JAZF1: variants seen among roughly 807,000 people sequenced by gnomAD.
JAZF1 encodes JAZF zinc finger 1, also known as juxtaposed with another zinc finger protein 1.
In JAZF1, 8 loss-of-function variants were observed where a neutral mutation model predicts 26.4. The ratio of observed to expected loss-of-function variants is 0.30; its 90% CI spans 0.18 to 0.55. The LOEUF (loss-of-function observed/expected upper bound fraction) is 0.55. Among genes scored for constraint, JAZF1 ranks in the 20% least tolerant of loss-of-function variants. JAZF1 has a pLI of 0.94. For missense variants in JAZF1, 199 were observed against 322.0 expected (o/e 0.62, Z 2.92); for synonymous variants, 126 against 122.3 (o/e 1.03, Z -0.20).
rs77945099 is a variant in JAZF1, at chr7:27,850,314, G to A, written c.386-9447C>T. Among the ~76,000 whole-genome samples, 749 of 152,262 alleles carry A rather than the reference G, an allele frequency of 4.9e-3. 1 individual carries two copies. The highest frequency in any genetic ancestry group is 7.6e-3 in the Non-Finnish European group (519 of 68,020). On this transcript the variant is annotated intron_variant, in intron 3 of 4. Coordinates refer to ENST00000283928, the MANE Select transcript of JAZF1 (RefSeq NM_175061.4). ...GACACATTAATGGCTCTGGGACCAC[G>A]GGCCATGCCTGGAAAATTCTTGACC... is the stretch of plus-strand genomic sequence containing the variant.
chr7:27,994,441 C>T (rs868545819), intron 1 of JAZF1, among the ~76,000 whole-genome samples: 1 of 74,334 alleles, frequency 1.3e-5, no homozygotes, highest in Non-Finnish European at 3.6e-5. Flanking sequence ...CTCTCCATCA[C>T]AAAAAAAAAA....
rs775507489 is a variant in JAZF1, at chr7:27,991,957, T to G, written c.140A>C (p.Lys47Thr). 6.2e-7 allele frequency: 1 copy of G among 1,606,812 alleles called. No individual in the cohort carries two copies. The highest frequency in any genetic ancestry group is 8.5e-7 in the Non-Finnish European group (1 of 1,174,362). Residue 47 changes from lysine to threonine, a missense_variant, in exon 2 of 5, where the codon AAA (lysine) becomes ACA (threonine). By Grantham distance (78) the Lys-to-Thr change is moderately conservative. This residue lies in a region of JAZF1 where 137 missense variants were observed against 184.8 expected (regional missense o/e 0.74). Transcript: ENST00000283928. ...HIDTDPRVLE[K>T]QELQQPTYVA... The stretch of plus-strand genomic sequence containing the variant: ...ATAGGTTGGCTGCTGTAATTCTTGT[T>G]TTTCTAAAACCCGTGGATCTGTATC...
At chr7:27,967,137 A>G (rs937319599) in intron 2 of JAZF1, among the ~76,000 whole-genome samples, 1 of 152,186 alleles carries the variant, frequency 6.6e-6, no homozygotes, top group Non-Finnish European at 1.5e-5. Context: ...TTTTTTAAAA[A>G]TAAAGCTGTC....
intron 1 of JAZF1, among the ~76,000 whole-genome samples, chr7:28,125,966 C>T (rs578089746): frequency 1.4e-4 from 22 of 152,218 alleles, no homozygotes; most frequent in African/African-American, 5.1e-4. Context: ...TGGAACAAGA[C>T]CTTTGGGTGA....
chr7:28,065,942 A>T (rs1457285359), intron 1 of JAZF1, among the ~76,000 whole-genome samples: 1 of 152,200 alleles, frequency 6.6e-6, no homozygotes, highest in Admixed American at 6.5e-5. Flanking sequence ...TTTACTTGTG[A>T]CCAAAATACT....
chr7:28,000,743 T>C (rs1217270354), intron 1 of JAZF1, among the ~76,000 whole-genome samples: 1 of 151,068 alleles, frequency 6.6e-6, no homozygotes, highest in Non-Finnish European at 1.5e-5. Context: ...CTCAGCCTCC[T>C]GAGTAGCTGG....
Position 27,977,808 on chromosome 7 carries a change from T to G in JAZF1, c.188+14101A>C, listed in dbSNP as rs1785502913. On this transcript the variant is annotated intron_variant, in intron 2 of 4. Transcript: ENST00000283928. ...CCTCAGTTCAGCGAAGCTGCTGTGT[T>G]CTGCCTGGACTCTAGCTTACTCCAT... Among the ~76,000 whole-genome samples the G allele has an allele frequency of 2.0e-5, 3 of 152,200 alleles. No homozygotes were observed. In the South Asian group the frequency reaches 6.2e-4, roughly 32 times the overall value.
At chr7:28,090,406 G>A (rs1784275125) in intron 1 of JAZF1, among the ~76,000 whole-genome samples, 2 of 152,082 alleles carry the variant, frequency 1.3e-5, no homozygotes, top group African/African-American at 4.8e-5. Context: ...TGCCTAACTT[G>A]CCCATTCATC....
intron 1 of JAZF1, among the ~76,000 whole-genome samples, chr7:28,001,131 A>C (rs943326228): frequency 1.3e-5 from 2 of 151,884 alleles, no homozygotes; most frequent in African/African-American, 4.8e-5. Flanking sequence ...AGGCAGGCAA[A>C]TCACTTGAAG....
At chr7:28,130,994 T>C (rs1782784396) in intron 1 of JAZF1, among the ~76,000 whole-genome samples, 1 of 152,214 alleles carries the variant, frequency 6.6e-6, no homozygotes, top group Non-Finnish European at 1.5e-5. Context: ...AAAATCTTTG[T>C]GAATAATAAT....
intron 3 of JAZF1, among the ~76,000 whole-genome samples, chr7:27,866,128 G>A (rs1036805330): frequency 6.6e-6 from 1 of 152,266 alleles, no homozygotes; most frequent in Non-Finnish European, 1.5e-5. Flanking sequence ...TGCCGGCACT[G>A]AAAGGATGGT....
At chr7:27,903,557 C>G (rs1287110581) in intron 2 of JAZF1, among the ~76,000 whole-genome samples, 5 of 152,218 alleles carry the variant, frequency 3.3e-5, no homozygotes, top group Admixed American at 3.3e-4. Flanking sequence ...TTCAAGAAGA[C>G]AGATACAATA....
At chr7:27,985,584 T>A (rs1785682583) in intron 2 of JAZF1, among the ~76,000 whole-genome samples, 2 of 152,100 alleles carry the variant, frequency 1.3e-5, no homozygotes, top group Admixed American at 1.3e-4. Flanking sequence ...AAAGAGGGAA[T>A]CCTCCCTAAT....
At chr7:28,086,419 A>C (rs1784212877) in intron 1 of JAZF1, among the ~76,000 whole-genome samples, 1 of 152,184 alleles carries the variant, frequency 6.6e-6, no homozygotes, top group African/African-American at 2.4e-5. Context: ...TGTTCTAACC[A>C]TTACTGATAA....
In JAZF1 at chr7:28,059,497, T is replaced by C. The variant is rs898348225; in HGVS notation, c.116-67516A>G. ...TAATCACCTCCTGACTGACATGCTA[T>C]AAACAACACATATTTTGGTTTTTTA... On this transcript the variant is annotated intron_variant, in intron 1 of 4. Transcript: ENST00000283928. Among the ~76,000 whole-genome samples, 5 of 152,226 alleles carry C rather than the reference T, an allele frequency of 3.3e-5. No homozygotes were observed. In the East Asian group the frequency reaches 9.6e-4, roughly 29 times the overall value.
intron 1 of JAZF1, among the ~76,000 whole-genome samples, chr7:28,097,698 A>C (rs900507589): frequency 2.6e-5 from 4 of 152,206 alleles, no homozygotes; most frequent in Admixed American, 1.3e-4. Flanking sequence ...AGGAGGTGGG[A>C]TTTCAGGTAG....
At chr7:28,000,622 C>CTTTCTTTCT (rs1279333326) in intron 1 of JAZF1, among the ~76,000 whole-genome samples, 15 of 62,076 alleles carry the variant, frequency 2.4e-4, no homozygotes, top group African/African-American at 6.1e-4. Flanking sequence ...TTCTTTCTTT[C>CTTTCTTTCT]TTTTTTTTTT....
chr7:28,123,144 C>T (rs1039624734), intron 1 of JAZF1, among the ~76,000 whole-genome samples: 10 of 152,106 alleles, frequency 6.6e-5, no homozygotes, highest in African/African-American at 2.4e-4. Context: ...TTCTTCATTG[C>T]TTCCATGTTA....
intron 3 of JAZF1, among the ~76,000 whole-genome samples, chr7:27,874,824 C>T (rs908829078): frequency 2.0e-5 from 3 of 152,158 alleles, no homozygotes; most frequent in African/African-American, 7.2e-5. Context: ...GGTCAATAGC[C>T]TTTGGGATCA....
Sources: gnomAD v4.1 joint callset for allele counts (sites outside exome capture counted in the v4.1 genomes callset) on GRCh38, gnomAD v4.1.1 for gene constraint, gnomAD v4.1.1 regional missense constraint, MANE v1.5 for transcripts, NCBI Gene and HGNC (gene_info 2026-07-23, HGNC 2026-07-21) for gene names.